The following SLC25A21 variants were observed in gnomAD, a reference collection of about 807,000 sequenced individuals.
SLC25A21 encodes the protein solute carrier family 25 member 21, also known as mitochondrial 2-oxodicarboxylate carrier.
SLC25A21 carries 47 observed loss-of-function variants against 43.8 expected under a neutral mutation model. That is an observed-to-expected ratio of 1.07 (90% CI 0.85 to 1.37). The LOEUF is 1.37. Ranked by LOEUF, SLC25A21 falls within the 40% of genes most tolerant of loss-of-function variation. SLC25A21 has a pLI of 0.00. For missense variants in SLC25A21, 352 were observed against 350.2 expected (o/e 1.00, Z -0.04); for synonymous variants, 131 against 121.3 (o/e 1.08, Z -0.52).
intron 2 of SLC25A21, among the ~76,000 whole-genome samples, chr14:36,845,089 A>T (rs1003940395): frequency 2.0e-5 from 3 of 152,206 alleles, no homozygotes; most frequent in Non-Finnish European, 4.4e-5. Context: ...TTTCAACGCC[A>T]TGTCAGAGTT....
intron 1 of SLC25A21, among the ~76,000 whole-genome samples, chr14:36,950,707 G>A (rs1892788592): frequency 6.6e-6 from 1 of 152,178 alleles, no homozygotes; most frequent in Admixed American, 6.5e-5. Context: ...TCTAGTTCAA[G>A]GGCAGTGTGG....
intron 1 of SLC25A21, among the ~76,000 whole-genome samples, chr14:37,007,059 G>A (rs934579228): frequency 6.6e-6 from 1 of 152,100 alleles, no homozygotes; most frequent in Admixed American, 6.5e-5. Context: ...GACACCATAG[G>A]GTGATTAAGA....
chr14:36,835,564 T>C (rs1889180771), intron 2 of SLC25A21, among the ~76,000 whole-genome samples: 1 of 152,176 alleles, frequency 6.6e-6, no homozygotes, highest in African/African-American at 2.4e-5. Flanking sequence ...AAGGAAGTCT[T>C]AACACAAACG....
At chr14:36,728,835 G>A (rs1884701983) in intron 5 of SLC25A21, among the ~76,000 whole-genome samples, 1 of 152,190 alleles carries the variant, frequency 6.6e-6, no homozygotes, top group Admixed American at 6.5e-5. Flanking sequence ...GGAGAAATTA[G>A]TGCATTTGCT....
chr14:36,970,261 C>G (rs1959719785), intron 1 of SLC25A21, among the ~76,000 whole-genome samples: 2 of 152,074 alleles, frequency 1.3e-5, no homozygotes, highest in Non-Finnish European at 2.9e-5. Context: ...CCCTTCTCTC[C>G]TTGAGGTCTG....
At chr14:36,863,265 G>A (rs1265329759) in intron 2 of SLC25A21, among the ~76,000 whole-genome samples, 3 of 152,146 alleles carry the variant, frequency 2.0e-5, no homozygotes, top group African/African-American at 4.8e-5. Context: ...GTTAAGCAGG[G>A]AAGAGAAGCA....
intron 1 of SLC25A21, among the ~76,000 whole-genome samples, chr14:37,131,165 T>G (rs1566903046): frequency 6.6e-6 from 1 of 152,202 alleles, no homozygotes; most frequent in Non-Finnish European, 1.5e-5. Context: ...ACATTTAAAT[T>G]TTTTTAAAGG....
At chr14:36,719,666 T>G (rs1884297077) in intron 6 of SLC25A21, among the ~76,000 whole-genome samples, 1 of 152,174 alleles carries the variant, frequency 6.6e-6, no homozygotes, top group Non-Finnish European at 1.5e-5. Flanking sequence ...TGGTGGTAAT[T>G]TAAGAAGTGT....
At chr14:37,003,227 T>C (rs1400118615) in intron 1 of SLC25A21, among the ~76,000 whole-genome samples, 1 of 152,214 alleles carries the variant, frequency 6.6e-6, no homozygotes, top group South Asian at 2.1e-4. Flanking sequence ...ATAAAAGCTA[T>C]GTGAATCCAA....
intron 1 of SLC25A21, among the ~76,000 whole-genome samples, chr14:36,877,598 G>A (rs766530738): frequency 6.6e-6 from 1 of 152,096 alleles, no homozygotes; most frequent in Non-Finnish European, 1.5e-5. Context: ...ATGGGAGGAG[G>A]TGCAATGCTC....
intron 1 of SLC25A21, among the ~76,000 whole-genome samples, chr14:37,019,721 T>G (rs1960943125): frequency 6.6e-6 from 1 of 151,618 alleles, no homozygotes; most frequent in Admixed American, 6.6e-5. Flanking sequence ...ATTTGGGGCC[T>G]AAAAAGGGAA....
At chr14:37,097,033 T>TA (rs1962709726) in intron 1 of SLC25A21, 1 of 148,594 alleles carries the variant, frequency 6.7e-6, no homozygotes, top group African/African-American at 2.6e-5. Flanking sequence ...TTTTTTGTTT[T>TA]TTTTTTTTGT....
At chr14:37,117,515 C>T (rs1167465275) in intron 1 of SLC25A21, among the ~76,000 whole-genome samples, 1 of 152,024 alleles carries the variant, frequency 6.6e-6, no homozygotes, top group Non-Finnish European at 1.5e-5. Flanking sequence ...TCCCTTAAGT[C>T]GGCATTCTTA....
intron 1 of SLC25A21, among the ~76,000 whole-genome samples, chr14:37,017,838 A>G (rs908361956): frequency 1.3e-5 from 2 of 152,006 alleles, no homozygotes; most frequent in Non-Finnish European, 2.9e-5. Context: ...TAACACTAAG[A>G]TAATATTTTC....
chr14:37,095,699 G>A (rs986973091), intron 1 of SLC25A21, among the ~76,000 whole-genome samples: 3 of 151,832 alleles, frequency 2.0e-5, no homozygotes, highest in Non-Finnish European at 4.4e-5. Flanking sequence ...AGACAAGCCT[G>A]GGCAACATAG....
chr14:36,858,278 T>G (rs1889962153), intron 2 of SLC25A21, among the ~76,000 whole-genome samples: 1 of 152,192 alleles, frequency 6.6e-6, no homozygotes, highest in Non-Finnish European at 1.5e-5. Context: ...TTGTATGCAC[T>G]GGCCAAAGAA....
At chr14:37,035,339 A>G (rs1961304223) in intron 1 of SLC25A21, among the ~76,000 whole-genome samples, 1 of 152,164 alleles carries the variant, frequency 6.6e-6, no homozygotes, top group African/African-American at 2.4e-5. Context: ...ACATTTTATT[A>G]TTATCAGTTT....
chr14:36,856,321 G>T lies in SLC25A21; in HGVS notation c.119+18635C>A, dbSNP rs552159110. 2.0e-5 allele frequency among the ~76,000 whole-genome samples: 3 copies of T among 152,284 alleles called. No homozygotes were observed. In the South Asian group the frequency reaches 6.2e-4, roughly 32 times the overall value. On this transcript the variant is annotated intron_variant, in intron 2 of 9. Coordinates refer to ENST00000331299, the MANE Select transcript of SLC25A21 (RefSeq NM_030631.4). ...CTCCCTCTCTCGAGCTTGTCTTTCT[G>T]TATATTGTTTCTATCCTGACCTCAT...
At chr14:37,039,080 G>A (rs767817029) in intron 1 of SLC25A21, among the ~76,000 whole-genome samples, 1 of 152,162 alleles carries the variant, frequency 6.6e-6, no homozygotes, top group African/African-American at 2.4e-5. Flanking sequence ...GAGAACAGTT[G>A]CTAAGCAGCT....
Sources: gnomAD v4.1 joint callset for allele counts (sites outside exome capture counted in the v4.1 genomes callset) on GRCh38, gnomAD v4.1.1 for gene constraint, MANE v1.5 for transcripts, NCBI Gene and HGNC (gene_info 2026-07-23, HGNC 2026-07-21) for gene names.